Variants in AFG2A observed in about 807,000 individuals in gnomAD.
AFG2A encodes the protein ATPase family gene 2 protein homolog A.
At chr4:123,299,155 G>C in the AFG2A span, among the ~76,000 whole-genome samples, 1 of 149,030 alleles carries the variant, frequency 6.7e-6, no homozygotes, top group South Asian at 2.1e-4. Context: ...GTGTGTGTCT[G>C]TGCACGCATG....
the AFG2A span, among the ~76,000 whole-genome samples, chr4:122,975,414 C>T: frequency 4.0e-3 from 607 of 152,260 alleles, 2 homozygotes; most frequent in African/African-American, 0.013. Context: ...GAGACAAAAA[C>T]ATTCATACCA....
At chr4:123,084,903 T>G in the AFG2A span, among the ~76,000 whole-genome samples, 1 of 152,206 alleles carries the variant, frequency 6.6e-6, no homozygotes, top group East Asian at 1.9e-4. Context: ...AGTTCTGCGA[T>G]TACAGGCGTG....
At chr4:123,316,076 A>C in the AFG2A span, 3 of 152,192 alleles carry the variant, frequency 2.0e-5, no homozygotes, top group Middle Eastern at 3.1e-3. Flanking sequence ...CACCATGCCC[A>C]GCCTGTGGTG....
chr4:122,934,886 T>A, the AFG2A span: 1 of 1,024,456 alleles, frequency 9.8e-7, no homozygotes, highest in African/African-American at 1.6e-5. Context: ...CTTTGGGAGA[T>A]GCCAGTTAAA....
the AFG2A span, among the ~76,000 whole-genome samples, chr4:123,051,640 C>CTT: frequency 0.081 from 7,774 of 95,712 alleles, 809 homozygotes; most frequent in African/African-American, 0.19. Context: ...ATTTCCTCAG[C>CTT]TTTTTTTTTT....
chr4:123,238,333 A>T, the AFG2A span, among the ~76,000 whole-genome samples: 2 of 152,212 alleles, frequency 1.3e-5, no homozygotes, highest in Non-Finnish European at 2.9e-5. Flanking sequence ...TGGTTCTCCC[A>T]GCACGGCATT....
chr4:123,234,894 T>A, the AFG2A span, among the ~76,000 whole-genome samples: 4 of 152,148 alleles, frequency 2.6e-5, no homozygotes, highest in African/African-American at 4.8e-5. Flanking sequence ...TTATTATCTA[T>A]AAAGTGAGAC....
At chr4:122,924,318 T>G in the AFG2A span, among the ~76,000 whole-genome samples, 1 of 152,220 alleles carries the variant, frequency 6.6e-6, no homozygotes, top group Non-Finnish European at 1.5e-5. Flanking sequence ...GAGTGGTCTC[T>G]GCCGCCTCAC....
the AFG2A span, among the ~76,000 whole-genome samples, chr4:123,166,109 C>T: frequency 1.3e-5 from 2 of 152,136 alleles, no homozygotes; most frequent in African/African-American, 4.8e-5. Context: ...TACTGAGTGT[C>T]AACTTGATGG....
the AFG2A span, among the ~76,000 whole-genome samples, chr4:122,933,663 T>C: frequency 6.6e-6 from 1 of 152,258 alleles, no homozygotes; most frequent in Admixed American, 6.5e-5. Flanking sequence ...TGTGCTACTT[T>C]TCCTGGTTAA....
chr4:123,310,155 T>C, the AFG2A span, among the ~76,000 whole-genome samples: 1 of 152,306 alleles, frequency 6.6e-6, no homozygotes, highest in African/African-American at 2.4e-5. Flanking sequence ...AGCCTTTTCA[T>C]GAGGAAAAAA....
At chr4:123,255,715 C>CTTTTTTTTTT in the AFG2A span, among the ~76,000 whole-genome samples, 5 of 103,910 alleles carry the variant, frequency 4.8e-5, 2 homozygotes, top group Non-Finnish European at 7.6e-5. Context: ...TACTGCTTTT[C>CTTTTTTTTTT]TATTTTTTTT....
chr4:122,938,037 A>G, the AFG2A span: 2 of 1,215,570 alleles, frequency 1.6e-6, no homozygotes, highest in South Asian at 3.8e-5. Context: ...TAAATTTGAT[A>G]TGTTGCATTT....
the AFG2A span, among the ~76,000 whole-genome samples, chr4:123,301,152 A>G: frequency 6.6e-6 from 1 of 152,210 alleles, no homozygotes; most frequent in Admixed American, 6.5e-5. Context: ...AGAAAAATAT[A>G]TAATATGTAT....
chr4:123,232,463 G>A, the AFG2A span, among the ~76,000 whole-genome samples: 1 of 151,978 alleles, frequency 6.6e-6, no homozygotes, highest in African/African-American at 2.4e-5. Context: ...GCAAGATACA[G>A]ACAGAAAAGG....
At chr4:123,102,347 T>A in the AFG2A span, 1 of 151,640 alleles carries the variant, frequency 6.6e-6, no homozygotes, top group African/African-American at 2.4e-5. Flanking sequence ...AGGCTGTTGT[T>A]GTGTAATAAA....
the AFG2A span, among the ~76,000 whole-genome samples, chr4:123,111,903 T>G: frequency 6.6e-6 from 1 of 152,044 alleles, no homozygotes; most frequent in East Asian, 1.9e-4. Context: ...TTTGTATTTT[T>G]GTGAAGACAG....
chr4:122,933,412 T>C, the AFG2A span: 1 of 1,595,516 alleles, frequency 6.3e-7, no homozygotes, highest in Non-Finnish European at 8.6e-7. Flanking sequence ...TAATGCTGAT[T>C]TCTGTTCCCT....
At chr4:123,143,000 G>C in the AFG2A span, among the ~76,000 whole-genome samples, 1 of 152,050 alleles carries the variant, frequency 6.6e-6, no homozygotes, top group African/African-American at 2.4e-5. Context: ...CATAATGCTT[G>C]AAGGAAATGC....
Sources: allele counts gnomAD v4.1 joint callset (sites outside exome capture counted in the v4.1 genomes callset), GRCh38; gene constraint gnomAD v4.1.1; transcripts MANE v1.5; gene names NCBI Gene and HGNC (gene_info 2026-07-23, HGNC 2026-07-21).